SECISBP2L: variants seen among roughly 807,000 people sequenced by gnomAD.
SECISBP2L encodes the protein SECIS binding protein 2 like, also known as selenocysteine insertion sequence-binding protein 2-like.
In SECISBP2L, 43 loss-of-function variants were observed where a neutral mutation model predicts 114.7. That is an observed-to-expected ratio of 0.38 (90% CI 0.29 to 0.48). The LOEUF is 0.48. Ranked by LOEUF, SECISBP2L falls within the 20% of genes least tolerant of loss-of-function variation. SECISBP2L has a pLI of 0.98. For synonymous variants in SECISBP2L, 451 were observed against 439.7 expected, an observed-to-expected ratio of 1.03 and a Z score of -0.32; for missense variants, 1,136 against 1,301.1, an observed-to-expected ratio of 0.87 and a Z score of 1.95.
chr15:48,994,934 A>C (rs1276367430), intron 17 of SECISBP2L, among the ~76,000 whole-genome samples: 2 of 152,006 alleles, frequency 1.3e-5, no homozygotes, highest in African/African-American at 2.4e-5. Context: ...AATGTTTAAA[A>C]ATTTTAGATG....
chr15:49,024,811 CTT>C (rs1902708602), intron 7 of SECISBP2L, among the ~76,000 whole-genome samples: 1 of 152,142 alleles, frequency 6.6e-6, no homozygotes, highest in Admixed American at 6.5e-5. Flanking sequence ...AACAAATACA[CTT>C]AAGTAAAGTA....
At chr15:49,008,220 GTTC>G (rs1902363262) in intron 14 of SECISBP2L, among the ~76,000 whole-genome samples, 3 of 152,256 alleles carry the variant, frequency 2.0e-5, no homozygotes, top group Admixed American at 1.3e-4. Flanking sequence ...ATCTGTGCCT[GTTC>G]TTCTTTAGTG....
intron 6 of SECISBP2L, 74 bp from the exon 7 acceptor site, chr15:49,027,554 T>C (rs1902769998): frequency 2.4e-6 from 2 of 824,846 alleles, no homozygotes; most frequent in Non-Finnish European, 3.8e-6. Flanking sequence ...TGACTTCACA[T>C]ACTGAAATTC....
Position 48,990,313 on chromosome 15 carries a change from A to T in SECISBP2L, c.*1931T>A, listed in dbSNP as rs1374677382. The T allele has an allele frequency of 6.6e-6, 1 of 152,590 alleles. No individual in the cohort carries two copies. The highest frequency in any genetic ancestry group is 1.5e-5 in the Non-Finnish European group (1 of 68,036). 9.5% of individuals were successfully genotyped at this position (152,590 alleles called of 1,614,324 possible). ...AACAGTTTTTAAATTCACTTTTAAG[A>T]CTGTCAGTAGTTCAAAACCTCTATC... On this transcript the variant is annotated 3_prime_UTR_variant, in exon 18 of 18. Coordinates refer to ENST00000559471, the MANE Select transcript of SECISBP2L (RefSeq NM_001193489.2).
intron 6 of SECISBP2L, among the ~76,000 whole-genome samples, 154 bp from the exon 7 acceptor site, chr15:49,027,634 G>A (rs1305071541): frequency 1.4e-5 from 2 of 146,606 alleles, no homozygotes; most frequent in African/African-American, 5.0e-5. Flanking sequence ...TTGAGACAGA[G>A]TTTCACTCTT....
At chr15:49,013,058 T>C (rs933057420) in intron 11 of SECISBP2L, 2 of 394,118 alleles carry the variant, frequency 5.1e-6, no homozygotes, top group Admixed American at 4.2e-5. Context: ...TAATTAGTTC[T>C]ACTCTCCTGT....
chr15:48,993,877 T>G (rs1225361150), intron 17 of SECISBP2L, among the ~76,000 whole-genome samples: 2 of 152,138 alleles, frequency 1.3e-5, no homozygotes, highest in Non-Finnish European at 2.9e-5. Flanking sequence ...ATAAAAATTC[T>G]ATCATATTGA....
chr15:49,026,948 C>T (rs2141078399), intron 7 of SECISBP2L, among the ~76,000 whole-genome samples: 1 of 152,282 alleles, frequency 6.6e-6, no homozygotes, highest in African/African-American at 2.4e-5. Context: ...CATGGCAAGC[C>T]ATCACTATGG....
At chr15:49,044,540 G>A (rs986133508) in intron 1 of SECISBP2L, among the ~76,000 whole-genome samples, 5 of 152,160 alleles carry the variant, frequency 3.3e-5, no homozygotes, top group African/African-American at 1.2e-4. Context: ...TTTTCTGAGT[G>A]TATAGGGAAG....
At position 49,040,527 on chromosome 15, in the gene SECISBP2L, C is replaced by CTTTTTTT. The variant is rs66527715; in HGVS notation, c.25-2765_25-2759dup. 3.3e-4 allele frequency among the ~76,000 whole-genome samples: 21 copies of CTTTTTTT among 63,186 alleles called. 2 individuals carry two copies. The highest frequency in any genetic ancestry group is 7.9e-4 in the South Asian group (1 of 1,264). 41.5% of individuals were successfully genotyped at this position (63,186 alleles called of 152,430 possible). On this transcript the variant is annotated intron_variant, in intron 1 of 17. Coordinates refer to ENST00000559471, the MANE Select transcript of SECISBP2L (RefSeq NM_001193489.2). ...AGGAGTGTTATGATCCCAAACTATTCTTTTTTTTTTTTTTTTTTTTTTTTT... is the reference window on the plus strand; with the variant it reads ...AGGAGTGTTATGATCCCAAACTATTCTTTTTTTTTTTTTTTTTTTTTTTTTTTTTTTT...
At chr15:49,015,448 G>C (rs1441754256) in intron 11 of SECISBP2L, among the ~76,000 whole-genome samples, 2 of 152,096 alleles carry the variant, frequency 1.3e-5, no homozygotes, top group Middle Eastern at 3.2e-3. Flanking sequence ...TTTGCACACA[G>C]GTTAAAATTA....
intron 7 of SECISBP2L, among the ~76,000 whole-genome samples, 156 bp downstream of exon 7, chr15:49,027,209 T>C (rs1181239479): frequency 1.3e-5 from 2 of 152,220 alleles, no homozygotes; most frequent in African/African-American, 4.8e-5. Context: ...TGTTTCATTA[T>C]TTAAGTAAGT....
At chr15:49,028,819 G>C (rs1395243014) in intron 4 of SECISBP2L, 137 bp from the exon 5 acceptor site, 2 of 719,356 alleles carry the variant, frequency 2.8e-6, no homozygotes, top group South Asian at 1.9e-5. Context: ...TTTTGAAAAG[G>C]TCATTAAAAG....
intron 7 of SECISBP2L, among the ~76,000 whole-genome samples, chr15:49,021,538 C>T (rs762420299): frequency 6.6e-6 from 1 of 152,228 alleles, no homozygotes; most frequent in African/African-American, 2.4e-5. Context: ...CTAACAACTG[C>T]GAATTGGAAG....
Position 48,992,779 on chromosome 15 carries a change from A to T in SECISBP2L, c.2771T>A (p.Val924Glu). Residue 924 changes from valine to glutamate, a missense_variant, in exon 18 of 18, where the codon GTG (valine) becomes GAG (glutamate). Val to Glu is a moderately radical substitution (Grantham distance 121). Coordinates refer to ENST00000559471, the MANE Select transcript of SECISBP2L (RefSeq NM_001193489.2). ...TPPIGKQPSL[V>E]ATGSTTSATS... ...AGCTGAGGTAGTACTGCCTGTAGCC[A>T]CTAATGATGGCTGCTTACCAATTGG... 1 of 1,614,182 alleles carries T rather than the reference A, an allele frequency of 6.2e-7. No homozygotes were observed. Among genetic ancestry groups the T allele is most frequent in the East Asian group, 2.2e-5 (1 of 44,872 alleles).
intron 16 of SECISBP2L, among the ~76,000 whole-genome samples, chr15:48,996,876 A>C (rs1595781163): frequency 6.6e-6 from 1 of 152,350 alleles, no homozygotes; most frequent in East Asian, 1.9e-4. Context: ...CTCTTCCTTT[A>C]GTGTCTGCCA....
intron 14 of SECISBP2L, among the ~76,000 whole-genome samples, chr15:49,005,206 T>C: frequency 6.6e-6 from 1 of 152,192 alleles, no homozygotes; most frequent in Non-Finnish European, 1.5e-5. Context: ...GGCACAGGCC[T>C]GTAGTCCCAC....
At position 48,992,240 on chromosome 15, in the gene SECISBP2L, T is replaced by G. The variant is rs375068800; in HGVS notation, c.*4A>C. The G allele has an allele frequency of 1.6e-5, 25 of 1,584,304 alleles. No homozygotes were observed. Among genetic ancestry groups the G allele is most frequent in the South Asian group, 1.0e-4 (9 of 88,608 alleles). ...CTGGAGATAGAGAGCCGACATTTCC[T>G]GAGTTACGTAGTTTGCGTTGTGTAA... is the stretch of plus-strand genomic sequence containing the variant. On this transcript the variant is annotated 3_prime_UTR_variant, in exon 18 of 18. Coordinates refer to ENST00000559471, the MANE Select transcript of SECISBP2L (RefSeq NM_001193489.2).
rs867238189 is a variant in SECISBP2L at position 48,998,285 on chromosome 15, T to A, written c.2403+1548A>T. 6.6e-5 allele frequency among the ~76,000 whole-genome samples: 10 copies of A among 152,228 alleles called. No individual in the cohort carries two copies. In the South Asian group the frequency reaches 1.4e-3, roughly 22 times the overall value. On this transcript the variant is annotated intron_variant, in intron 16 of 17. Transcript: ENST00000559471. ...ATTGTTTAAAATAGCAGGTATAATATAGGATGCTGCTAATTGTATTGATTT... is the reference window on the plus strand; with the variant it reads ...ATTGTTTAAAATAGCAGGTATAATAAAGGATGCTGCTAATTGTATTGATTT...
Sources: allele counts gnomAD v4.1 joint callset (sites outside exome capture counted in the v4.1 genomes callset), GRCh38; gene constraint gnomAD v4.1.1; transcripts MANE v1.5; gene names NCBI Gene and HGNC (gene_info 2026-07-23, HGNC 2026-07-21).